The following SEMA3A variants were observed in gnomAD, a reference collection of about 807,000 sequenced individuals.
SEMA3A encodes semaphorin-3A.
In SEMA3A, 29 loss-of-function variants were observed where a neutral mutation model predicts 97.9. The observed-to-expected ratio is 0.30, with a 90% CI of 0.22 to 0.40. The LOEUF (loss-of-function observed/expected upper bound fraction) is 0.40, where lower values mean the gene tolerates loss of function less well. SEMA3A is among the 10% of genes least tolerant of loss of function. The probability of loss-of-function intolerance (pLI) is 1.00; values close to 1 mark genes in which losing one functional copy is unlikely to be tolerated. For synonymous variants in SEMA3A, 321 were observed against 323.7 expected, an observed-to-expected ratio of 0.99 and a Z score of 0.09; for missense variants, 763 against 951.3, an observed-to-expected ratio of 0.80 and a Z score of 2.60.
chr7:84,420,034 A>G (rs576778646), intron 1 of SEMA3A, among the ~76,000 whole-genome samples: 1 of 152,260 alleles, frequency 6.6e-6, no homozygotes, highest in South Asian at 2.1e-4. Context: ...AAAATAAGAA[A>G]AGTTACTAAA....
chr7:84,023,722 T>C (rs1488533041), intron 6 of SEMA3A, among the ~76,000 whole-genome samples: 1 of 152,098 alleles, frequency 6.6e-6, no homozygotes, highest in African/African-American at 2.4e-5. Flanking sequence ...CTTTAAAATG[T>C]AGATAGTGCC....
chr7:84,469,112 A>T (rs778150986), intron 1 of SEMA3A, among the ~76,000 whole-genome samples: 3 of 152,146 alleles, frequency 2.0e-5, no homozygotes, highest in African/African-American at 4.8e-5. Flanking sequence ...AGTACTGTCC[A>T]TGTTTTACGT....
In SEMA3A at chr7:84,354,934, C is replaced by T. The variant is rs1353574290; in HGVS notation, c.-169+16890G>A. 5.3e-5 allele frequency among the ~76,000 whole-genome samples: 8 copies of T among 151,692 alleles called. No homozygotes were observed. In the South Asian group the frequency reaches 1.2e-3, roughly 24 times the overall value. On this transcript the variant is annotated intron_variant, in intron 2 of 3. Coordinates refer to the SEMA3A transcript ENST00000424555. ...TCTTCATATTATAATAGATTTTATT[C>T]GCCCAACTAAGTCATAAAATCAGTT...
At chr7:84,454,491 T>C (rs570577030) in intron 1 of SEMA3A, among the ~76,000 whole-genome samples, 9 of 152,284 alleles carry the variant, frequency 5.9e-5, no homozygotes, top group African/African-American at 4.8e-5. Flanking sequence ...CCAATTATTA[T>C]AGTAATTTGA....
At chr7:84,092,130 T>A (rs897385353) in intron 4 of SEMA3A, among the ~76,000 whole-genome samples, 2 of 152,178 alleles carry the variant, frequency 1.3e-5, no homozygotes, top group African/African-American at 4.8e-5. Flanking sequence ...TTTTTTTAAA[T>A]GCTCCCTCTA....
rs1468499727 is a variant in SEMA3A, at chr7:83,961,708, A to T, written c.1979T>A (p.Leu660His). 3 of 1,613,686 alleles carry T rather than the reference A, an allele frequency of 1.9e-6. No individual in the cohort carries two copies. The Admixed American group carries it at 5.0e-5, about 27-fold the overall frequency. Residue 660 changes from leucine (L) to histidine (H), a missense_variant, in exon 17 of 17, where the codon CTT (leucine) becomes CAT (histidine). Physicochemically the swap from Leu to His is moderately conservative, Grantham distance 99. Around this residue, in one of 2 missense-constraint regions of SEMA3A, gnomAD observed 678 missense variants for 881.3 expected, o/e 0.77. Transcript: ENST00000265362. ...HAVEHGFIQTLLKVTLEVIDT... is the reference protein window; with the variant it reads ...HAVEHGFIQTHLKVTLEVIDT... Reference sequence around the variant, plus strand: ...AATGACTTCCAGGGTTACCTTAAGAAGAGTTTGTATGAACCCATGTTCCAC... The same window carrying T: ...AATGACTTCCAGGGTTACCTTAAGATGAGTTTGTATGAACCCATGTTCCAC...
intron 2 of SEMA3A, among the ~76,000 whole-genome samples, chr7:84,312,431 G>A (rs1414239092): frequency 6.6e-6 from 1 of 151,598 alleles, no homozygotes; most frequent in African/African-American, 2.4e-5. Context: ...AAATTACACT[G>A]AAACAACATT....
chr7:84,345,223 T>A, intron 2 of SEMA3A, among the ~76,000 whole-genome samples: 1 of 152,184 alleles, frequency 6.6e-6, no homozygotes, highest in East Asian at 1.9e-4. Context: ...TGAACATACT[T>A]TAATTTAAAA....
intron 1 of SEMA3A, among the ~76,000 whole-genome samples, chr7:84,190,464 G>C (rs1798005786): frequency 6.6e-6 from 1 of 151,540 alleles, no homozygotes; most frequent in South Asian, 2.1e-4. Context: ...GAGTATTTGA[G>C]AAAAGTCATT....
intron 5 of SEMA3A, among the ~76,000 whole-genome samples, chr7:84,059,061 C>CT (rs1793111119): frequency 1.3e-5 from 2 of 152,088 alleles, no homozygotes; most frequent in Non-Finnish European, 1.5e-5. Flanking sequence ...AATACCTATC[C>CT]TTTTTTCAGT....
chr7:84,001,855 T>G, intron 12 of SEMA3A, 100 bp downstream of exon 12: 1 of 661,240 alleles, frequency 1.5e-6, no homozygotes, highest in Non-Finnish European at 2.6e-6. Context: ...GAAGGGTATG[T>G]ATGCTAGACT....
At chr7:84,186,814 A>G (rs1347358479) in intron 1 of SEMA3A, among the ~76,000 whole-genome samples, 9 of 151,932 alleles carry the variant, frequency 5.9e-5, no homozygotes, top group Non-Finnish European at 1.2e-4. Flanking sequence ...CTAAATACCA[A>G]TCTATAGATC....
chr7:84,052,473 T>A (rs1792723483), intron 5 of SEMA3A, among the ~76,000 whole-genome samples: 1 of 152,188 alleles, frequency 6.6e-6, no homozygotes, highest in South Asian at 2.1e-4. Flanking sequence ...TATCCATTTC[T>A]TCTGGATTTT....
At chr7:84,356,973 A>T (rs1802575799) in intron 2 of SEMA3A, among the ~76,000 whole-genome samples, 1 of 151,876 alleles carries the variant, frequency 6.6e-6, no homozygotes, top group South Asian at 2.1e-4. Context: ...GTTAAAAAAA[A>T]GTTGCTAGGC....
At chr7:84,330,647 T>C (rs1363403680) in intron 2 of SEMA3A, among the ~76,000 whole-genome samples, 2 of 152,124 alleles carry the variant, frequency 1.3e-5, no homozygotes, top group African/African-American at 4.8e-5. Flanking sequence ...TGACTTTCTA[T>C]CACTTTTTTT....
At position 84,166,276 on chromosome 7, in the gene SEMA3A, GA is replaced by G. The variant is rs58279881; in HGVS notation, c.112+28198del. Among the ~76,000 whole-genome samples, 288 of 130,284 alleles carry G rather than the reference GA, an allele frequency of 2.2e-3. 1 individual carries two copies. Among genetic ancestry groups the G allele is most frequent in the African/African-American group, 4.4e-3 (160 of 35,974 alleles). 85.5% of individuals were successfully genotyped at this position (130,284 alleles called of 152,430 possible). A position where few individuals can be genotyped will look rare whatever the true frequency, so the allele number is the denominator to read the frequency against. On this transcript the variant is annotated intron_variant, in intron 1 of 16. Coordinates refer to ENST00000265362, the MANE Select transcript of SEMA3A (RefSeq NM_006080.3). ...CTGGGTGACAGAGTGGGACCCTGTG[GA>G]AAAAAAAAAAAAGAGGCCGGGCGCA...
rs752990019 is a variant in SEMA3A at position 84,194,424 on chromosome 7, G to C, written c.112+51C>G. Reference sequence around the variant, plus strand: ...TGGGAGGGAGTTCAAGGAATTAAGGGGGGGGGCGGTTATTACAAAGCTAAC... The same window carrying C: ...TGGGAGGGAGTTCAAGGAATTAAGGCGGGGGGCGGTTATTACAAAGCTAAC... On this transcript the variant is annotated intron_variant, in intron 1 of 16. Coordinates refer to ENST00000265362, the MANE Select transcript of SEMA3A (RefSeq NM_006080.3). 1.3e-4 allele frequency: 162 copies of C among 1,228,406 alleles called. 1 individual carries two copies. Among genetic ancestry groups the C allele is most frequent in the Admixed American group, 8.6e-4 (50 of 58,208 alleles). The allele number at this position is 1,228,406 out of a possible 1,614,324, so 76.1% of individuals were successfully genotyped here.
chr7:83,999,289 T>TTAAAATCCTTATTAA (rs1656260138), intron 12 of SEMA3A, among the ~76,000 whole-genome samples: 1 of 152,142 alleles, frequency 6.6e-6, no homozygotes, highest in Non-Finnish European at 1.5e-5. Flanking sequence ...TCTTTTTAAG[T>TTAAAATCCTTATTAA]TAAAATCCTT....
At chr7:84,055,085 G>A (rs1346777269) in intron 5 of SEMA3A, among the ~76,000 whole-genome samples, 3 of 151,968 alleles carry the variant, frequency 2.0e-5, no homozygotes, top group Non-Finnish European at 4.4e-5. Context: ...CTGCGTGCTG[G>A]GAGAACCACT....
Sources: gnomAD v4.1 joint callset for allele counts (sites outside exome capture counted in the v4.1 genomes callset) on GRCh38, gnomAD v4.1.1 for gene constraint, gnomAD v4.1.1 regional missense constraint, MANE v1.5 for transcripts, NCBI Gene and HGNC (gene_info 2026-07-23, HGNC 2026-07-21) for gene names.